The following TTLL7 variants were observed in gnomAD, a reference collection of about 807,000 sequenced individuals.
TTLL7 encodes the protein tubulin tyrosine ligase like 7.
A neutral mutation model predicts 120.2 loss-of-function variants in TTLL7; 53 were observed. That is an observed-to-expected ratio of 0.44 (90% CI 0.35 to 0.55). The LOEUF (loss-of-function observed/expected upper bound fraction) is 0.55, where lower values mean the gene tolerates loss of function less well. Among genes scored for constraint, TTLL7 ranks in the 20% least tolerant of loss-of-function variants. TTLL7 has a pLI of 0.00. For synonymous variants in TTLL7, 353 were observed against 351.7 expected (o/e 1.00, Z -0.04); for missense variants, 803 against 1,054.7 (o/e 0.76, Z 3.31).
Position 83,890,445 on chromosome 1 carries a change from G to T in TTLL7, c.2245C>A (p.Leu749Ile), listed in dbSNP as rs950475898. 5 of 1,612,742 alleles carry T rather than the reference G, an allele frequency of 3.1e-6. No individual in the cohort carries two copies. Among genetic ancestry groups the T allele is most frequent in the Non-Finnish European group, 4.2e-6 (5 of 1,179,310 alleles). ...DIVKTSIRTV[L>I]PRIWKVPDVE... ...TCAGGCACCTTCCAGATGCGTGGAAGAACTGTACGAATACTTGTTTTCACT... is the reference window on the plus strand; with the variant it reads ...TCAGGCACCTTCCAGATGCGTGGAATAACTGTACGAATACTTGTTTTCACT... Residue 749 changes from leucine (L) to isoleucine (I), a missense_variant, in exon 19 of 21, where the codon CTT becomes ATT. Leu to Ile is a conservative substitution (Grantham distance 5). Around this residue, in one of 3 missense-constraint regions of TTLL7, gnomAD observed 388 missense variants for 450.4 expected, o/e 0.86. Transcript: ENST00000260505.
At chr1:83,882,757 T>G (rs1186596989) in intron 20 of TTLL7, 1 of 479,966 alleles carries the variant, frequency 2.1e-6, no homozygotes, top group Non-Finnish European at 3.6e-6. Flanking sequence ...TTATCACCTT[T>G]AGGTTCGTGA....
At chr1:83,890,552 G>A (rs1468311554) in intron 18 of TTLL7, 71 bp from the exon 19 acceptor site, 3 of 1,302,486 alleles carry the variant, frequency 2.3e-6, no homozygotes, top group East Asian at 2.4e-5. Context: ...GATGTAGCTT[G>A]AGCTCAGGAG....
intron 1 of TTLL7, among the ~76,000 whole-genome samples, chr1:83,953,738 G>C (rs1259006333): frequency 6.6e-6 from 1 of 152,084 alleles, no homozygotes; most frequent in Non-Finnish European, 1.5e-5. Context: ...ACATGGCTTA[G>C]AAATAGAAAA....
At chr1:83,958,849 G>A (rs986230638) in intron 1 of TTLL7, among the ~76,000 whole-genome samples, 3 of 152,170 alleles carry the variant, frequency 2.0e-5, no homozygotes, top group Non-Finnish European at 4.4e-5. Flanking sequence ...TTCAGATTCT[G>A]ACTCATTAGG....
rs779099612 is a variant in TTLL7 at position 83,952,256 on chromosome 1, G to A, written c.-45C>T. On this transcript the variant is annotated 5_prime_UTR_variant, in exon 2 of 21. Transcript: ENST00000260505. Reference sequence around the variant, plus strand: ...CAAGCAGTGTGTGCTGCTGTACCAAGCTCTCAGGAAATCTGGAAATTCCAC... The same window carrying A: ...CAAGCAGTGTGTGCTGCTGTACCAAACTCTCAGGAAATCTGGAAATTCCAC... 2.8e-5 allele frequency: 45 copies of A among 1,610,004 alleles called. No homozygotes were observed. The highest frequency in any genetic ancestry group is 3.7e-5 in the Non-Finnish European group (43 of 1,178,022).
At chr1:83,907,782 A>C in intron 15 of TTLL7, 121 bp from the exon 16 acceptor site, 1 of 834,368 alleles carries the variant, frequency 1.2e-6, no homozygotes, top group South Asian at 1.7e-5. Context: ...TAAATGTCAA[A>C]GCATAGGCAT....
At chr1:83,975,622 T>C (rs1651396952) in intron 1 of TTLL7, among the ~76,000 whole-genome samples, 1 of 152,134 alleles carries the variant, frequency 6.6e-6, no homozygotes, top group Admixed American at 6.6e-5. Flanking sequence ...GTCTGTTTGA[T>C]TCTCAAAACC....
chr1:83,921,480 C>T (rs2100796484), intron 10 of TTLL7, 86 bp from the exon 11 acceptor site: 1 of 1,399,320 alleles, frequency 7.1e-7, no homozygotes, highest in East Asian at 2.3e-5. Context: ...GAACAGGAGA[C>T]ATAGTGAAGC....
At chr1:83,962,574 CCTTA>C (rs1482435494) in intron 1 of TTLL7, among the ~76,000 whole-genome samples, 1 of 152,104 alleles carries the variant, frequency 6.6e-6, no homozygotes, top group Non-Finnish European at 1.5e-5. Flanking sequence ...ACTAGTTCTT[CCTTA>C]CTAATAAAAC....
intron 20 of TTLL7, among the ~76,000 whole-genome samples, chr1:83,874,808 A>T (rs187195852): frequency 1.3e-5 from 2 of 152,066 alleles, no homozygotes; most frequent in Admixed American, 1.3e-4. Context: ...AGCTGTAAAA[A>T]ATTCCAATAG....
chr1:83,967,699 G>C (rs1178554009), intron 1 of TTLL7, among the ~76,000 whole-genome samples: 1 of 151,944 alleles, frequency 6.6e-6, no homozygotes, highest in Non-Finnish European at 1.5e-5. Context: ...TTTTGGCCCC[G>C]TAAAAATAGT....
intron 20 of TTLL7, among the ~76,000 whole-genome samples, chr1:83,880,544 C>T (rs184444046): frequency 5.9e-5 from 9 of 151,984 alleles, no homozygotes; most frequent in South Asian, 2.1e-4. Flanking sequence ...AAAGAAAATC[C>T]GAGCTATCGT....
chr1:83,998,902 G>A, intron 1 of TTLL7, 29 bp downstream of exon 1: 1 of 374,834 alleles, frequency 2.7e-6, no homozygotes, highest in Non-Finnish European at 5.4e-6. Context: ...GAAGGGGGTC[G>A]GGGGAGGATG....
At chr1:83,955,106 T>C (rs1309748825) in intron 1 of TTLL7, among the ~76,000 whole-genome samples, 1 of 152,176 alleles carries the variant, frequency 6.6e-6, no homozygotes, top group East Asian at 1.9e-4. Context: ...TCTACCACAC[T>C]TAAATTCCAC....
In TTLL7 at chr1:83,981,818, G is replaced by A. The variant is rs922052844; in HGVS notation, c.-177+17113C>T. On this transcript the variant is annotated intron_variant, in intron 1 of 20. Coordinates refer to ENST00000260505, the MANE Select transcript of TTLL7 (RefSeq NM_024686.6). The stretch of plus-strand genomic sequence containing the variant: ...TGCACTCCAGCCTGGGCGACAGAGC[G>A]AGACTCTGTCACAAAAAAAAAAAAA... Among the ~76,000 whole-genome samples, 31 of 149,094 alleles carry A rather than the reference G, an allele frequency of 2.1e-4. No individual in the cohort carries two copies. The East Asian group carries it at 4.9e-3, about 24-fold the overall frequency.
intron 20 of TTLL7, among the ~76,000 whole-genome samples, chr1:83,871,151 G>A (rs1422059322): frequency 3.3e-5 from 5 of 151,684 alleles, no homozygotes; most frequent in South Asian, 4.1e-4. Flanking sequence ...AAGTGGCTGG[G>A]ATTACAGGCA....
chr1:83,906,201 G>T, intron 17 of TTLL7, 128 bp downstream of exon 17: 1 of 775,492 alleles, frequency 1.3e-6, no homozygotes, highest in Non-Finnish European at 2.1e-6. Flanking sequence ...GCTAGTAGAG[G>T]TTGAAAAGAA....
intron 8 of TTLL7, among the ~76,000 whole-genome samples, 167 bp downstream of exon 8, chr1:83,937,682 CTGT>C (rs1352374365): frequency 6.6e-6 from 1 of 152,164 alleles, no homozygotes; most frequent in East Asian, 1.9e-4. Flanking sequence ...GAATGCATCG[CTGT>C]TGTTAGGCAG....
chr1:83,968,565 T>G (rs1015094189), intron 1 of TTLL7, among the ~76,000 whole-genome samples: 16 of 152,080 alleles, frequency 1.1e-4, no homozygotes, highest in African/African-American at 3.6e-4. Flanking sequence ...AATATATGTG[T>G]TGGAAGACTC....
Sources: gnomAD v4.1 joint callset for allele counts (sites outside exome capture counted in the v4.1 genomes callset) on GRCh38, gnomAD v4.1.1 for gene constraint, gnomAD v4.1.1 regional missense constraint, MANE v1.5 for transcripts, NCBI Gene and HGNC (gene_info 2026-07-23, HGNC 2026-07-21) for gene names.